Variants in DAB1 observed in about 807,000 individuals in gnomAD.
DAB1 encodes disabled homolog 1.
A neutral mutation model predicts 64.6 loss-of-function variants in DAB1; 15 were observed. The observed-to-expected ratio is 0.23, with a 90% CI of 0.16 to 0.36. The LOEUF (loss-of-function observed/expected upper bound fraction) is 0.36. Ranked by LOEUF, DAB1 falls within the 10% of genes least tolerant of loss-of-function variation. The pLI is 1.00. For synonymous variants in DAB1, 235 were observed against 251.9 expected (o/e 0.93, Z 0.64); for missense variants, 596 against 706.7 (o/e 0.84, Z 1.78).
chr1:57,233,285 C>T (rs1667835194), intron 2 of DAB1, among the ~76,000 whole-genome samples: 1 of 24,550 alleles, frequency 4.1e-5, no homozygotes, highest in South Asian at 1.6e-3. Context: ...TTTTTTGAGA[C>T]GGAGTCTCGC....
In DAB1 at chr1:58,543,003, G is replaced by A. The variant is rs376560087; in HGVS notation, n.32+3700C>T. Reference sequence around the variant, plus strand: ...AAAAAGCTTTTTTAAAAAAAAAAAAGTGGATCCACAGAAAAGACAATGGAC... The same window carrying A: ...AAAAAGCTTTTTTAAAAAAAAAAAAATGGATCCACAGAAAAGACAATGGAC... On this transcript the variant is annotated intron_variant and non_coding_transcript_variant, in intron 1 of 20. Transcript: ENST00000485760. 2.7e-5 allele frequency among the ~76,000 whole-genome samples: 4 copies of A among 149,604 alleles called. No individual in the cohort carries two copies. In the South Asian group the frequency reaches 8.5e-4, roughly 32 times the overall value.
At chr1:57,592,747 C>T (rs893672522) in intron 7 of DAB1, among the ~76,000 whole-genome samples, 4 of 152,192 alleles carry the variant, frequency 2.6e-5, no homozygotes, top group Non-Finnish European at 4.4e-5. Flanking sequence ...TACTTTCTCA[C>T]AGTTGCAGAA....
At chr1:57,144,568 C>T (rs904864250) in intron 3 of DAB1, among the ~76,000 whole-genome samples, 3 of 151,900 alleles carry the variant, frequency 2.0e-5, no homozygotes, top group African/African-American at 7.3e-5. Context: ...GTAGTGTGCA[C>T]CTGTAATCCC....
intron 5 of DAB1, among the ~76,000 whole-genome samples, chr1:57,947,897 G>A (rs1052640869): frequency 6.6e-6 from 1 of 152,212 alleles, no homozygotes; most frequent in East Asian, 1.9e-4. Context: ...ATAAACCGTG[G>A]TCTCCTTCTG....
chr1:57,506,145 G>T (rs1644340481), intron 7 of DAB1, among the ~76,000 whole-genome samples: 1 of 152,198 alleles, frequency 6.6e-6, no homozygotes, highest in African/African-American at 2.4e-5. Context: ...CCTGAGCCCA[G>T]CAGGGCTGTT....
At chr1:58,128,252 T>C (rs1205249917) in intron 5 of DAB1, among the ~76,000 whole-genome samples, 1 of 151,496 alleles carries the variant, frequency 6.6e-6, no homozygotes, top group African/African-American at 2.4e-5. Context: ...ATGATTTGGC[T>C]CTCTGTTTGT....
rs546962620 is a variant in DAB1 at position 57,828,071 on chromosome 1, G to A, written n.88-1616C>T. Among the ~76,000 whole-genome samples the A allele has an allele frequency of 1.9e-4, 29 of 152,136 alleles. No individual in the cohort carries two copies. The South Asian group carries it at 2.7e-3, about 14-fold the overall frequency. Reference sequence around the variant, plus strand: ...CGCCATTCTCCTGCCTCAGCCTCCCGAGTACCTGGGACTACAGGCGCCCAC... The same window carrying A: ...CGCCATTCTCCTGCCTCAGCCTCCCAAGTACCTGGGACTACAGGCGCCCAC... On this transcript the variant is annotated intron_variant and non_coding_transcript_variant, in intron 1 of 1. Transcript: ENST00000477280.
At chr1:57,605,636 C>T (rs914874098) in intron 7 of DAB1, among the ~76,000 whole-genome samples, 2 of 152,090 alleles carry the variant, frequency 1.3e-5, no homozygotes, top group African/African-American at 4.8e-5. Context: ...TTCCATGTTG[C>T]CTAGATCCAA....
chr1:58,499,427 G>A (rs112057688), intron 3 of DAB1, among the ~76,000 whole-genome samples: 1 of 151,044 alleles, frequency 6.6e-6, no homozygotes, highest in African/African-American at 2.4e-5. Context: ...CAAAGCTGCA[G>A]TGAACTATGA....
At chr1:58,347,296 T>C (rs2181869) in intron 3 of DAB1, among the ~76,000 whole-genome samples, 76,653 of 151,952 alleles carry the variant, frequency 0.5, 19,323 homozygotes, top group East Asian at 0.59. Context: ...TTAGTAGAGA[T>C]GGTGTTTCAC....
intron 2 of DAB1, among the ~76,000 whole-genome samples, chr1:57,189,462 A>G (rs1415120861): frequency 6.6e-6 from 1 of 152,130 alleles, no homozygotes; most frequent in Non-Finnish European, 1.5e-5. Context: ...TGGATAACAG[A>G]CCCTGGCTTG....
chr1:57,883,874 T>A (rs1644183931), intron 1 of DAB1: 1 of 152,140 alleles, frequency 6.6e-6, no homozygotes, highest in Non-Finnish European at 1.5e-5. Context: ...GAGAGGCAGT[T>A]CCAGAAAGGA....
chr1:57,044,500 CTT>C (rs1648211155), intron 9 of DAB1, among the ~76,000 whole-genome samples: 1 of 152,198 alleles, frequency 6.6e-6, no homozygotes, highest in Admixed American at 6.5e-5. Flanking sequence ...ATGTTTGCCA[CTT>C]TGACATCTGT....
intron 1 of DAB1, chr1:58,538,985 A>G (rs368172844): frequency 2.3e-6 from 2 of 872,842 alleles, no homozygotes; most frequent in Non-Finnish European, 4.0e-6. Flanking sequence ...TGTCTTGAAA[A>G]AGCATCATTC....
intron 7 of DAB1, among the ~76,000 whole-genome samples, chr1:57,494,691 G>A (rs1227626734): frequency 6.6e-6 from 1 of 152,170 alleles, no homozygotes; most frequent in East Asian, 1.9e-4. Context: ...ACACAAGGGA[G>A]TTCCCAGAGA....
chr1:58,417,423 A>C (rs1257895925), intron 3 of DAB1, among the ~76,000 whole-genome samples: 1 of 152,216 alleles, frequency 6.6e-6, no homozygotes, highest in East Asian at 1.9e-4. Context: ...ATGCCAAGGG[A>C]AGAGAATCTG....
intron 1 of DAB1, chr1:57,387,031 T>G (rs1035108284): frequency 1.3e-5 from 2 of 152,134 alleles, no homozygotes; most frequent in African/African-American, 4.8e-5. Flanking sequence ...TAACCCTGTT[T>G]TCTTAAGATG....
At chr1:58,409,716 A>C (rs1229133318) in intron 3 of DAB1, among the ~76,000 whole-genome samples, 1 of 152,178 alleles carries the variant, frequency 6.6e-6, no homozygotes, top group Non-Finnish European at 1.5e-5. Context: ...TTATATGATC[A>C]TTAAGGTGCC....
At chr1:57,719,372 C>A (rs1402215897) in intron 6 of DAB1, among the ~76,000 whole-genome samples, 1 of 152,124 alleles carries the variant, frequency 6.6e-6, no homozygotes, top group Non-Finnish European at 1.5e-5. Flanking sequence ...AGCCATAAGC[C>A]AGAGGGAGGT....
Sources: gnomAD v4.1 joint callset for allele counts (sites outside exome capture counted in the v4.1 genomes callset) on GRCh38, gnomAD v4.1.1 for gene constraint, MANE v1.5 for transcripts, NCBI Gene and HGNC (gene_info 2026-07-23, HGNC 2026-07-21) for gene names.